The following ALK variants were observed in gnomAD, a reference collection of about 807,000 sequenced individuals.
The protein encoded by ALK is ALK receptor tyrosine kinase, also known as ALK tyrosine kinase receptor.
Under a neutral mutation model 163.1 loss-of-function variants are expected in ALK, and 74 were observed. The observed-to-expected ratio is 0.45, with a 90% CI of 0.38 to 0.55. The LOEUF is 0.55. Ranked by LOEUF, ALK falls within the 20% of genes least tolerant of loss-of-function variation. ALK has a pLI of 0.00. For synonymous variants in ALK, 960 were observed against 843.2 expected, an observed-to-expected ratio of 1.14 and a Z score of -2.40; for missense variants, 2,063 against 2,105.3, an observed-to-expected ratio of 0.98 and a Z score of 0.39.
chr2:29,233,413 TAGGATTAC>T lies in ALK; in HGVS notation c.2487+144_2487+151del. 2.6e-6 allele frequency: 3 copies of T among 1,164,472 alleles called. 1 individual carries two copies. The highest frequency in any genetic ancestry group is 3.8e-6 in the Non-Finnish European group (3 of 787,996). The allele number at this position is 1,164,472 out of a possible 1,614,324, so 72.1% of individuals were successfully genotyped here. On this transcript the variant is annotated intron_variant, in intron 14 of 28. Coordinates refer to ENST00000389048, the MANE Select transcript of ALK (RefSeq NM_004304.5). ...CTCCTGCCTTGGCCTCCCAAAATACTAGGATTACAGGAATGAGCCACTGTACCTGGCCC... is the reference window on the plus strand; with the variant it reads ...CTCCTGCCTTGGCCTCCCAAAATACTAGGAATGAGCCACTGTACCTGGCCC...
intron 4 of ALK, among the ~76,000 whole-genome samples, chr2:29,393,281 C>T (rs1669224231): frequency 6.6e-6 from 1 of 152,222 alleles, no homozygotes; most frequent in African/African-American, 2.4e-5. Context: ...TTCTCTTCCC[C>T]TCCTGTCTCT....
chr2:29,297,108 C>G (rs575810901), intron 8 of ALK, 51 bp from the exon 9 acceptor site: 1 of 1,610,888 alleles, frequency 6.2e-7, no homozygotes, highest in African/African-American at 1.3e-5. Context: ...TGAAAGGTCC[C>G]CTTTCTGGAA....
At chr2:29,376,629 C>T (rs1158702899) in intron 5 of ALK, among the ~76,000 whole-genome samples, 1 of 152,122 alleles carries the variant, frequency 6.6e-6, no homozygotes, top group Non-Finnish European at 1.5e-5. Flanking sequence ...GCTGGCAGCC[C>T]CAAGACAGAG....
At chr2:29,222,299 G>T (rs1432105078) in intron 22 of ALK, 45 bp downstream of exon 22, 11 of 1,576,088 alleles carry the variant, frequency 7.0e-6, no homozygotes, top group Non-Finnish European at 9.6e-6. Context: ...AGGTTCTTTG[G>T]GGGCAGAGGG....
intron 8 of ALK, among the ~76,000 whole-genome samples, chr2:29,309,626 C>T (rs953206630): frequency 1.3e-5 from 2 of 148,554 alleles, no homozygotes; most frequent in Non-Finnish European, 3.0e-5. Context: ...GTAAGAATGA[C>T]TTTGGCTCAG....
chr2:29,701,632 G>A (rs1211853617), intron 2 of ALK, among the ~76,000 whole-genome samples: 2 of 152,174 alleles, frequency 1.3e-5, no homozygotes, highest in African/African-American at 4.8e-5. Flanking sequence ...GCTGTAGTGT[G>A]TATAGAAGAG....
At chr2:29,593,593 T>C (rs1675121666) in intron 3 of ALK, among the ~76,000 whole-genome samples, 1 of 152,230 alleles carries the variant, frequency 6.6e-6, no homozygotes, top group South Asian at 2.1e-4. Flanking sequence ...TCTAGGGCTA[T>C]GCACCTGAGA....
intron 1 of ALK, among the ~76,000 whole-genome samples, chr2:29,874,113 G>A (rs189786500): frequency 8.3e-4 from 127 of 152,266 alleles, no homozygotes; most frequent in African/African-American, 2.6e-3. Context: ...GGAATGTATG[G>A]ACAAATTCTC....
intron 8 of ALK, among the ~76,000 whole-genome samples, chr2:29,304,780 A>G (rs77228348): frequency 0.015 from 2,352 of 152,324 alleles, 60 homozygotes; most frequent in African/African-American, 0.053. Context: ...TTTGTTATAG[A>G]CAAACTTGTG....
intron 1 of ALK, among the ~76,000 whole-genome samples, chr2:29,805,409 T>G (rs1361947092): frequency 6.6e-6 from 1 of 152,078 alleles, no homozygotes; most frequent in East Asian, 1.9e-4. Context: ...CATAAATGTG[T>G]GCCATGGTAG....
At chr2:29,626,499 G>T (rs1293848351) in intron 3 of ALK, among the ~76,000 whole-genome samples, 1 of 152,168 alleles carries the variant, frequency 6.6e-6, no homozygotes, top group South Asian at 2.1e-4. Context: ...CAGCCATGTG[G>T]AACTGTGAGT....
At chr2:29,741,407 T>C (rs188729198) in intron 1 of ALK, among the ~76,000 whole-genome samples, 542 of 152,312 alleles carry the variant, frequency 3.6e-3, no homozygotes, top group Non-Finnish European at 6.2e-3. Context: ...GAGCTATGCA[T>C]TGTGGGAGCA....
intron 4 of ALK, among the ~76,000 whole-genome samples, chr2:29,456,654 T>G (rs1364954153): frequency 6.6e-6 from 1 of 152,180 alleles, no homozygotes; most frequent in Non-Finnish European, 1.5e-5. Flanking sequence ...TGCACAATAA[T>G]ATGAATATAC....
chr2:29,559,336 T>G (rs1311305819), intron 3 of ALK, among the ~76,000 whole-genome samples: 1 of 152,182 alleles, frequency 6.6e-6, no homozygotes, highest in African/African-American at 2.4e-5. Context: ...CCAAGCATCT[T>G]GGGATCTGAG....
At chr2:29,335,768 C>T (rs147118263) in intron 5 of ALK, among the ~76,000 whole-genome samples, 3 of 152,054 alleles carry the variant, frequency 2.0e-5, no homozygotes, top group African/African-American at 4.8e-5. Flanking sequence ...TTCTGGGTGC[C>T]GTGGCTTACA....
At chr2:29,917,673 T>C (rs2148441307) in intron 1 of ALK, among the ~76,000 whole-genome samples, 1 of 152,260 alleles carries the variant, frequency 6.6e-6, no homozygotes, top group Non-Finnish European at 1.5e-5. Flanking sequence ...GCATATGTCC[T>C]CAGAGAAAGG....
intron 1 of ALK, among the ~76,000 whole-genome samples, chr2:29,842,593 T>C (rs768165987): frequency 4.9e-4 from 75 of 152,338 alleles, no homozygotes; most frequent in Middle Eastern, 3.4e-3. Context: ...GTGAAGACTC[T>C]GGACAGTTCT....
chr2:29,823,036 AC>A (rs1286055046), intron 1 of ALK, among the ~76,000 whole-genome samples: 6 of 152,138 alleles, frequency 3.9e-5, no homozygotes, highest in Non-Finnish European at 8.8e-5. Flanking sequence ...TATGGGAGGG[AC>A]CCCATGGGAG....
At chr2:29,635,876 C>A (rs1676509403) in intron 3 of ALK, among the ~76,000 whole-genome samples, 1 of 151,890 alleles carries the variant, frequency 6.6e-6, no homozygotes, top group African/African-American at 2.4e-5. Context: ...AGTAATCCAC[C>A]CACCTCGACC....
Sources: allele counts gnomAD v4.1 joint callset (sites outside exome capture counted in the v4.1 genomes callset), GRCh38; gene constraint gnomAD v4.1.1; transcripts MANE v1.5; gene names NCBI Gene and HGNC (gene_info 2026-07-23, HGNC 2026-07-21).